The following CDH11 variants were observed in gnomAD, a reference collection of about 807,000 sequenced individuals.
CDH11 encodes cadherin-11.
Under a neutral mutation model 67.8 loss-of-function variants are expected in CDH11, and 11 were observed. The observed-to-expected ratio is 0.16, with a 90% CI of 0.10 to 0.27. CDH11 has a LOEUF of 0.27. Among genes scored for constraint, CDH11 ranks in the 10% least tolerant of loss-of-function variants. CDH11 has a pLI of 1.00. For missense variants in CDH11, 847 were observed against 1,031.2 expected (o/e 0.82, Z 2.45); for synonymous variants, 419 against 400.0 (o/e 1.05, Z -0.57).
At chr16:64,993,197 C>CCTTCCTTCCTTCCTTCCTTT (rs1380399184) in intron 4 of CDH11, among the ~76,000 whole-genome samples, 163 bp from the exon 5 acceptor site, 1 of 4,064 alleles carries the variant, frequency 2.5e-4, no homozygotes, top group East Asian at 0.017. Flanking sequence ...AGCCAACCAA[C>CCTTCCTTCCTTCCTTCCTTT]CTTCCTTCCT....
intron 1 of CDH11, among the ~76,000 whole-genome samples, chr16:65,100,426 T>C (rs2074970689): frequency 6.6e-6 from 1 of 152,068 alleles, no homozygotes; most frequent in African/African-American, 2.4e-5. Context: ...AATTCCTTTT[T>C]CAGAAAAACA....
chr16:64,971,497 G>T, intron 11 of CDH11, 82 bp downstream of exon 11: 1 of 768,566 alleles, frequency 1.3e-6, no homozygotes, highest in Non-Finnish European at 2.2e-6. Flanking sequence ...AAAGATTAGT[G>T]AAAATACTTG....
intron 1 of CDH11, among the ~76,000 whole-genome samples, chr16:65,109,191 A>C (rs958201960): frequency 2.0e-5 from 3 of 152,186 alleles, no homozygotes; most frequent in African/African-American, 7.2e-5. Flanking sequence ...AGTTCTGTTC[A>C]GTTCAGTGAT....
chr16:65,064,220 T>C (rs1020168939), intron 1 of CDH11, among the ~76,000 whole-genome samples: 8 of 152,198 alleles, frequency 5.3e-5, no homozygotes, highest in African/African-American at 1.9e-4. Flanking sequence ...TTTGTGGAAT[T>C]AGAAAGACTT....
At chr16:65,107,944 G>A (rs1468540240) in intron 1 of CDH11, among the ~76,000 whole-genome samples, 1 of 152,144 alleles carries the variant, frequency 6.6e-6, no homozygotes, top group East Asian at 1.9e-4. Context: ...TGCAAGGGCT[G>A]ATCTGCCTAG....
chr16:64,971,524 C>T (rs569088276), intron 11 of CDH11, 55 bp downstream of exon 11: 55 of 1,013,104 alleles, frequency 5.4e-5, no homozygotes, highest in African/African-American at 1.3e-4. Flanking sequence ...GCAATGTAAA[C>T]GCCATTTGTT....
chr16:65,081,539 A>T (rs2074610473), intron 1 of CDH11, among the ~76,000 whole-genome samples: 1 of 151,382 alleles, frequency 6.6e-6, no homozygotes, highest in African/African-American at 2.4e-5. Context: ...ACTGCACTCC[A>T]GCCTGGGTGA....
At chr16:65,069,869 T>A (rs147183296) in intron 1 of CDH11, among the ~76,000 whole-genome samples, 2 of 152,100 alleles carry the variant, frequency 1.3e-5, no homozygotes, top group Admixed American at 6.5e-5. Flanking sequence ...AATTGCACCA[T>A]AGGACTGTGC....
intron 3 of CDH11, among the ~76,000 whole-genome samples, chr16:65,002,082 T>C (rs900730894): frequency 6.6e-6 from 1 of 152,238 alleles, no homozygotes; most frequent in African/African-American, 2.4e-5. Flanking sequence ...TCCAGGGAAC[T>C]GTCTCAGCAC....
intron 8 of CDH11, among the ~76,000 whole-genome samples, chr16:64,975,759 G>T (rs1276796790): frequency 6.6e-6 from 1 of 152,020 alleles, no homozygotes; most frequent in African/African-American, 2.4e-5. Flanking sequence ...TTGGATATAT[G>T]CCCTGTAATG....
At chr16:64,973,127 A>G in intron 8 of CDH11, 87 bp from the exon 9 acceptor site, 2 of 1,268,248 alleles carry the variant, frequency 1.6e-6, no homozygotes, top group Non-Finnish European at 2.2e-6. Flanking sequence ...TATTTAAATC[A>G]AGCTTCTCAA....
intron 1 of CDH11, among the ~76,000 whole-genome samples, chr16:65,116,407 C>T (rs1242794432): frequency 6.6e-6 from 1 of 152,174 alleles, no homozygotes; most frequent in Non-Finnish European, 1.5e-5. Context: ...GCGAGGTGAT[C>T]ATCATAGTAA....
chr16:64,972,246 A>C (rs2072027703), intron 9 of CDH11, among the ~76,000 whole-genome samples, 182 bp from the exon 10 acceptor site: 1 of 152,200 alleles, frequency 6.6e-6, no homozygotes, highest in African/African-American at 2.4e-5. Context: ...ATATCCTAGA[A>C]TAAATGTCAA....
chr16:65,046,703 T>C (rs546319045), intron 2 of CDH11, among the ~76,000 whole-genome samples: 1 of 152,210 alleles, frequency 6.6e-6, no homozygotes, highest in Non-Finnish European at 1.5e-5. Context: ...GAATTTATTG[T>C]GTTATTTGGG....
chr16:65,034,564 T>C (rs1170677134), intron 2 of CDH11, among the ~76,000 whole-genome samples: 3 of 152,136 alleles, frequency 2.0e-5, no homozygotes, highest in African/African-American at 4.8e-5. Context: ...ATTTCAAAAC[T>C]GTGGGTAATA....
intron 2 of CDH11, among the ~76,000 whole-genome samples, chr16:65,006,529 T>C (rs1039531292): frequency 1.3e-5 from 2 of 152,188 alleles, no homozygotes; most frequent in Non-Finnish European, 2.9e-5. Context: ...TGAACCTCCA[T>C]GTTTTCATGT....
chr16:64,968,338 T>C (rs2071899461), intron 11 of CDH11: 2 of 672,806 alleles, frequency 3.0e-6, no homozygotes, highest in African/African-American at 3.9e-5. Flanking sequence ...ATTATCTCAG[T>C]CTTTTTTTTT....
chr16:64,992,044 A>G (rs1264932293), intron 5 of CDH11, 109 bp from the exon 6 acceptor site: 2 of 691,108 alleles, frequency 2.9e-6, no homozygotes, highest in Non-Finnish European at 4.6e-6. Flanking sequence ...CCATGCCCTC[A>G]GCAAGAATCA....
intron 4 of CDH11, among the ~76,000 whole-genome samples, chr16:64,995,386 A>C (rs1597068923): frequency 6.6e-6 from 1 of 152,224 alleles, no homozygotes; most frequent in South Asian, 2.1e-4. Flanking sequence ...TGCTGGTGCA[A>C]AAACAGACAC....
Sources: allele counts gnomAD v4.1 joint callset (sites outside exome capture counted in the v4.1 genomes callset), GRCh38; gene constraint gnomAD v4.1.1; transcripts MANE v1.5; gene names NCBI Gene and HGNC (gene_info 2026-07-23, HGNC 2026-07-21).